Variants in TSPEAR observed in about 807,000 individuals in gnomAD.
TSPEAR encodes thrombospondin-type laminin G domain and EAR repeat-containing protein.
Under a neutral mutation model 71.6 loss-of-function variants are expected in TSPEAR, and 69 were observed. That is an observed-to-expected ratio of 0.96 (90% CI 0.79 to 1.18). The LOEUF (loss-of-function observed/expected upper bound fraction) is 1.18, where lower values mean the gene tolerates loss of function less well. TSPEAR is among the 50% of genes most tolerant of loss of function. The pLI, the probability that TSPEAR is intolerant of heterozygous loss-of-function variation, is 0.00. For synonymous variants in TSPEAR, 402 were observed against 387.2 expected (o/e 1.04, Z -0.45); for missense variants, 971 against 894.9 (o/e 1.09, Z -1.09).
At chr21:44,636,962 C>T (rs1439488019) in intron 1 of TSPEAR, among the ~76,000 whole-genome samples, 1 of 152,244 alleles carries the variant, frequency 6.6e-6, no homozygotes, top group Non-Finnish European at 1.5e-5. Context: ...CCAACACAGG[C>T]ACCTCCGTCC....
chr21:44,644,731 C>T lies in TSPEAR; in HGVS notation c.82+66702G>A, dbSNP rs184495180. Among the ~76,000 whole-genome samples, 319 of 151,950 alleles carry T rather than the reference C, an allele frequency of 2.1e-3. 1 individual carries two copies. The highest frequency in any genetic ancestry group is 0.017 in the Middle Eastern group (5 of 292). On this transcript the variant is annotated intron_variant, in intron 1 of 11. Transcript: ENST00000323084. The stretch of plus-strand genomic sequence containing the variant: ...AATGGATAACATATTTCATTCATCA[C>T]AAGATGAAATAAAAAGTCATAAAAA...
Position 44,711,567 on chromosome 21 carries a change from G to A in TSPEAR, c.-53C>T. The A allele has an allele frequency of 6.4e-7, 1 of 1,560,368 alleles. No homozygotes were observed. Among genetic ancestry groups the A allele is most frequent in the Non-Finnish European group, 8.7e-7 (1 of 1,147,426 alleles). ...AGGGCTCCGCTCAGCCTGCAGGGAA[G>A]TGGCTGCTCCTCAGACGTCTGCGTC... On this transcript the variant is annotated 5_prime_UTR_variant, in exon 1 of 12. Coordinates refer to ENST00000323084, the MANE Select transcript of TSPEAR (RefSeq NM_144991.3). The surrounding 1 kb of genome is among the most constrained non-coding windows in gnomAD (Gnocchi z 4.5).
At chr21:44,634,355 A>G (rs1983422505) in intron 1 of TSPEAR, among the ~76,000 whole-genome samples, 1 of 152,242 alleles carries the variant, frequency 6.6e-6, no homozygotes, top group Admixed American at 6.5e-5. Context: ...AAAGCCCTAC[A>G]TATATGAGAT....
At chr21:44,708,700 G>T (rs1365909099) in intron 1 of TSPEAR, among the ~76,000 whole-genome samples, 1 of 152,134 alleles carries the variant, frequency 6.6e-6, no homozygotes, top group Non-Finnish European at 1.5e-5. Flanking sequence ...TCCACCAGCT[G>T]ACAGCCTTCC....
intron 1 of TSPEAR, among the ~76,000 whole-genome samples, chr21:44,613,331 C>T (rs1234942714): frequency 6.6e-6 from 1 of 152,210 alleles, no homozygotes; most frequent in Non-Finnish European, 1.5e-5. Context: ...GGCCTAACTC[C>T]TCCAGGGGGT....
intron 1 of TSPEAR, chr21:44,600,629 C>G (rs372326787): frequency 1.9e-6 from 3 of 1,612,672 alleles, no homozygotes; most frequent in Non-Finnish European, 1.7e-6. Flanking sequence ...AGCATGGCTG[C>G]GTCCACTATG....
intron 2 of TSPEAR, among the ~76,000 whole-genome samples, chr21:44,550,136 G>A (rs587685537): frequency 3.9e-5 from 6 of 152,276 alleles, no homozygotes; most frequent in Non-Finnish European, 7.3e-5. Flanking sequence ...GTGGGACTCA[G>A]CCAATGAACA....
chr21:44,509,137 T>G, intron 10 of TSPEAR, 62 bp downstream of exon 10: 1 of 1,551,518 alleles, frequency 6.4e-7, no homozygotes, highest in East Asian at 2.3e-5. Flanking sequence ...CTAACGGGGA[T>G]TCCGACATGG....
intron 8 of TSPEAR, among the ~76,000 whole-genome samples, chr21:44,522,897 C>T (rs1555914457): frequency 6.6e-6 from 1 of 152,296 alleles, no homozygotes; most frequent in Non-Finnish European, 1.5e-5. Flanking sequence ...AACATCTGCC[C>T]TCCCTGTGCT....
chr21:44,554,397 C>T (rs2053493622), intron 2 of TSPEAR, among the ~76,000 whole-genome samples: 1 of 152,098 alleles, frequency 6.6e-6, no homozygotes, highest in Non-Finnish European at 1.5e-5. Context: ...TTATAGCAGC[C>T]CCAACTGACT....
At chr21:44,645,980 A>C (rs2146237318) in intron 1 of TSPEAR, among the ~76,000 whole-genome samples, 1 of 151,688 alleles carries the variant, frequency 6.6e-6, no homozygotes, top group East Asian at 2.0e-4. Flanking sequence ...TCTACTAAAA[A>C]TACAAAAATT....
At chr21:44,592,561 C>A (rs1980056877) in intron 1 of TSPEAR, 6 of 1,541,058 alleles carry the variant, frequency 3.9e-6, no homozygotes, top group Non-Finnish European at 3.5e-6. Context: ...TTCCACCTGG[C>A]CTTGTTGTCC....
intron 1 of TSPEAR, chr21:44,601,317 C>G (rs782205929): frequency 1.9e-6 from 3 of 1,611,950 alleles, no homozygotes; most frequent in Non-Finnish European, 2.5e-6. Context: ...GTGTGCCTGT[C>G]TGCTGCAAGC....
Position 44,627,283 on chromosome 21 carries a change from G to A in TSPEAR, c.83-59278C>T, listed in dbSNP as rs201090014. 185 of 1,612,290 alleles carry A rather than the reference G, an allele frequency of 1.1e-4. No homozygotes were observed. Among genetic ancestry groups the A allele is most frequent in the Middle Eastern group, 2.0e-4 (1 of 4,952 alleles). On this transcript the variant is annotated intron_variant, in intron 1 of 11. Transcript: ENST00000323084. ...CCCCTGCTGCGCCACCAGCTGCTGC[G>A]CCCCGGCCCCCTGCCTGACCCTGGT...
chr21:44,586,074 A>T (rs1555925645), intron 1 of TSPEAR, among the ~76,000 whole-genome samples: 1 of 152,252 alleles, frequency 6.6e-6, no homozygotes, highest in Admixed American at 6.5e-5. Flanking sequence ...CCTAGGACCC[A>T]GGCTGGGAGC....
intron 2 of TSPEAR, among the ~76,000 whole-genome samples, chr21:44,566,388 A>G (rs1198798312): frequency 6.6e-6 from 1 of 152,178 alleles, no homozygotes; most frequent in African/African-American, 2.4e-5. Flanking sequence ...ACGTTCATTA[A>G]TCTGAAGTCC....
intron 1 of TSPEAR, chr21:44,611,947 C>A: frequency 1.3e-6 from 1 of 778,906 alleles, no homozygotes; most frequent in Non-Finnish European, 2.1e-6. Context: ...TTAGGGTTGC[C>A]TGGAGGCAAA....
intron 9 of TSPEAR, chr21:44,517,763 C>A (rs782302555): frequency 2.1e-6 from 1 of 471,200 alleles, no homozygotes; most frequent in South Asian, 1.5e-5. Flanking sequence ...GAACACTGAG[C>A]CCTCCTACCT....
chr21:44,657,121 C>A (rs1213159163), intron 1 of TSPEAR, among the ~76,000 whole-genome samples: 1 of 152,004 alleles, frequency 6.6e-6, no homozygotes, highest in African/African-American at 2.4e-5. Flanking sequence ...CTCACAGACG[C>A]CCCCCAGACC....
Sources: gnomAD v4.1 joint callset for allele counts (sites outside exome capture counted in the v4.1 genomes callset) on GRCh38, gnomAD v4.1.1 for gene constraint, Gnocchi (gnomAD v3.1) non-coding constraint, MANE v1.5 for transcripts, NCBI Gene and HGNC (gene_info 2026-07-23, HGNC 2026-07-21) for gene names.